PACRGL: variants seen among roughly 807,000 people sequenced by gnomAD.
PACRGL encodes the protein parkin coregulated like, also known as PACRG-like protein.
PACRGL carries 38 observed loss-of-function variants against 34.5 expected under a neutral mutation model. The ratio of observed to expected loss-of-function variants is 1.10; its 90% confidence interval spans 0.85 to 1.44. The LOEUF (loss-of-function observed/expected upper bound fraction) is 1.44. PACRGL is among the 40% of genes most tolerant of loss of function. PACRGL has a pLI of 0.00. For missense variants in PACRGL, 305 were observed against 281.4 expected (o/e 1.08, Z -0.60); for synonymous variants, 128 against 100.1 (o/e 1.28, Z -1.66).
intron 3 of PACRGL, 48 bp downstream of exon 3, chr4:20,704,862 C>T (rs537326779): frequency 1.3e-5 from 20 of 1,588,222 alleles, no homozygotes; most frequent in Admixed American, 6.7e-5. Context: ...AAAGGCATTT[C>T]GCACAGTATT....
chr4:20,743,813 T>A (rs1213571856), intron 8 of PACRGL, among the ~76,000 whole-genome samples: 1 of 151,892 alleles, frequency 6.6e-6, no homozygotes, highest in East Asian at 1.9e-4. Context: ...CAAAAGAAAC[T>A]ACCATCAGAG....
rs544757773 is a variant in PACRGL at position 20,730,911 on chromosome 4, G to A, written c.*3570G>A. Among the ~76,000 whole-genome samples, 17 of 152,154 alleles carry A rather than the reference G, an allele frequency of 1.1e-4. No individual in the cohort carries two copies. The highest frequency in any genetic ancestry group is 4.2e-4 in the South Asian group (2 of 4,818). On this transcript the variant is annotated 3_prime_UTR_variant, in exon 9 of 9. Coordinates refer to ENST00000503585, the MANE Select transcript of PACRGL (RefSeq NM_001258345.3). ...CTGCTAGAAACCAAGTAACATCACC[G>A]TCAAGCAGCTTAATGTCACCAAATT...
At chr4:20,766,761 C>T in the PACRGL span, 1 of 152,146 alleles carries the variant, frequency 6.6e-6, no homozygotes, top group South Asian at 2.1e-4. Flanking sequence ...CAAATGTCTT[C>T]GTGTCCATAC....
chr4:20,736,852 AT>A, downstream of PACRGL, among the ~76,000 whole-genome samples: 1 of 152,324 alleles, frequency 6.6e-6, no homozygotes, highest in Middle Eastern at 3.4e-3. Context: ...AGCCCAGTCA[AT>A]TTTAAGAAAG....
intron 8 of PACRGL, chr4:20,749,782 C>T: frequency 7.8e-7 from 1 of 1,279,390 alleles, no homozygotes; most frequent in Non-Finnish European, 1.1e-6. Flanking sequence ...CCATATCCTA[C>T]ATAAGACTTG....
chr4:20,762,661 ATTAG>A, the PACRGL span, among the ~76,000 whole-genome samples: 1 of 152,224 alleles, frequency 6.6e-6, no homozygotes, highest in African/African-American at 2.4e-5. Context: ...AATGTGCTGT[ATTAG>A]TTAACTCTTG....
chr4:20,735,760 C>G (rs749791331), downstream of PACRGL, among the ~76,000 whole-genome samples: 4 of 152,110 alleles, frequency 2.6e-5, no homozygotes, highest in Non-Finnish European at 4.4e-5. Flanking sequence ...TGGTGTCGAA[C>G]TCCTGACCTT....
Position 20,732,100 on chromosome 4 carries a change from G to C in PACRGL, c.*4759G>C. The stretch of plus-strand genomic sequence containing the variant: ...AGGAAGAAAACAAAAATTGTATTTA[G>C]ACTTATCCCTTAATACCCTCACACC... On this transcript the variant is annotated 3_prime_UTR_variant, in exon 9 of 9. Coordinates refer to ENST00000503585, the MANE Select transcript of PACRGL (RefSeq NM_001258345.3). The C allele has an allele frequency of 1.3e-6, 2 of 1,483,312 alleles. No individual in the cohort carries two copies. The highest frequency in any genetic ancestry group is 1.9e-6 in the Non-Finnish European group (2 of 1,062,162). The allele number at this position is 1,483,312 out of a possible 1,614,324, so 91.9% of individuals were successfully genotyped here.
At chr4:20,732,788 GA>G (rs760820350), downstream of PACRGL, 13 of 1,584,308 alleles carry the variant, frequency 8.2e-6, no homozygotes, top group Non-Finnish European at 1.1e-5. Flanking sequence ...AGCATTTCCT[GA>G]AAAATAAAAG....
intron 8 of PACRGL, among the ~76,000 whole-genome samples, chr4:20,749,008 T>C (rs1377200418): frequency 6.6e-6 from 1 of 151,670 alleles, no homozygotes; most frequent in Non-Finnish European, 1.5e-5. Context: ...TTAAATACTT[T>C]CTAGCTGGGC....
chr4:20,729,893 T>C lies in PACRGL; in HGVS notation c.*2552T>C, dbSNP rs569986783. The C allele has an allele frequency of 3.7e-6, 2 of 540,546 alleles. No homozygotes were observed. Among genetic ancestry groups the C allele is most frequent in the African/African-American group, 3.9e-5 (2 of 51,184 alleles). The allele number at this position is 540,546 out of a possible 1,614,324, so 33.5% of individuals were successfully genotyped here. On this transcript the variant is annotated 3_prime_UTR_variant, in exon 9 of 9. Transcript: ENST00000503585. Reference sequence around the variant, plus strand: ...CCATCCCCTGAACTCAGTGGCATTATGAAAAGGATGCAAATTTATAACTGA... The same window carrying C: ...CCATCCCCTGAACTCAGTGGCATTACGAAAAGGATGCAAATTTATAACTGA...
At chr4:20,711,842 A>G (rs1411519162) in intron 5 of PACRGL, among the ~76,000 whole-genome samples, 2 of 152,166 alleles carry the variant, frequency 1.3e-5, no homozygotes, top group African/African-American at 4.8e-5. Context: ...TTCATACTGC[A>G]TTTCAGTATT....
At chr4:20,714,601 T>C (rs201978108) in intron 7 of PACRGL, among the ~76,000 whole-genome samples, 3 of 152,212 alleles carry the variant, frequency 2.0e-5, no homozygotes, top group Non-Finnish European at 4.4e-5. Flanking sequence ...GCCTCAGTGG[T>C]CTTTACAATT....
chr4:20,712,215 G>C (rs554832197), intron 5 of PACRGL, among the ~76,000 whole-genome samples: 27 of 133,668 alleles, frequency 2.0e-4, no homozygotes, highest in Non-Finnish European at 3.5e-4. Context: ...ATTTTTTCTT[G>C]CCTCCCCTGT....
At chr4:20,738,886 T>A (rs1750350078) in intron 8 of PACRGL, among the ~76,000 whole-genome samples, 1 of 152,148 alleles carries the variant, frequency 6.6e-6, no homozygotes, top group African/African-American at 2.4e-5. Context: ...GGACACTTCC[T>A]GCCAATATTG....
intron 7 of PACRGL, among the ~76,000 whole-genome samples, chr4:20,721,838 A>T (rs1057457586): frequency 6.6e-6 from 1 of 151,904 alleles, no homozygotes; most frequent in African/African-American, 2.4e-5. Context: ...GAGAACCACT[A>T]CTCTCTTCAA....
At chr4:20,722,716 G>A (rs1368508216) in intron 7 of PACRGL, among the ~76,000 whole-genome samples, 4 of 152,108 alleles carry the variant, frequency 2.6e-5, no homozygotes, top group East Asian at 1.9e-4. Context: ...GGTGTCACCC[G>A]AAACTCCCAT....
chr4:20,753,428 T>G (rs1313328414), downstream of PACRGL, among the ~76,000 whole-genome samples: 1 of 152,164 alleles, frequency 6.6e-6, no homozygotes, highest in Non-Finnish European at 1.5e-5. Flanking sequence ...AACTCTGAAC[T>G]TAGTCCAAAG....
intron 1 of PACRGL, among the ~76,000 whole-genome samples, chr4:20,701,036 A>G (rs1207702121): frequency 1.3e-5 from 2 of 152,204 alleles, no homozygotes; most frequent in African/African-American, 2.4e-5. Context: ...ATAAGTGACT[A>G]TTGGGCTCTG....
Sources: gnomAD v4.1 joint callset for allele counts (sites outside exome capture counted in the v4.1 genomes callset) on GRCh38, gnomAD v4.1.1 for gene constraint, MANE v1.5 for transcripts, NCBI Gene and HGNC (gene_info 2026-07-23, HGNC 2026-07-21) for gene names.